Variants in NAV3 observed in about 807,000 individuals in gnomAD.
The protein encoded by NAV3 is neuron navigator 3.
In NAV3, 87 loss-of-function variants were observed where a neutral mutation model predicts 244.7. The ratio of observed to expected loss-of-function variants is 0.36; its 90% CI spans 0.30 to 0.42. The LOEUF (loss-of-function observed/expected upper bound fraction) is 0.42. NAV3 is among the 20% of genes least tolerant of loss of function. NAV3 has a pLI of 1.00. For missense variants in NAV3, 2,663 were observed against 2,893.3 expected (o/e 0.92, Z 1.83); for synonymous variants, 1,126 against 1,042.2 (o/e 1.08, Z -1.55).
At chr12:78,129,745 C>T (rs372864531) in intron 18 of NAV3, among the ~76,000 whole-genome samples, 10 of 152,074 alleles carry the variant, frequency 6.6e-5, no homozygotes, top group African/African-American at 2.4e-4. Flanking sequence ...AGTATTGATA[C>T]ATAATCTTAT....
At chr12:77,895,715 C>T (rs1242415584) in intron 1 of NAV3, among the ~76,000 whole-genome samples, 8 of 148,644 alleles carry the variant, frequency 5.4e-5, no homozygotes, top group Admixed American at 2.0e-4. Context: ...CCATCCTCTA[C>T]TACCACATAT....
chr12:78,105,227 A>G (rs1954742872), intron 12 of NAV3, among the ~76,000 whole-genome samples: 1 of 152,026 alleles, frequency 6.6e-6, no homozygotes, highest in African/African-American at 2.4e-5. Context: ...TTAGCATTTT[A>G]TTATTGTGGT....
chr12:77,988,226 T>G (rs1414766851), intron 5 of NAV3, among the ~76,000 whole-genome samples: 1 of 152,174 alleles, frequency 6.6e-6, no homozygotes, highest in Non-Finnish European at 1.5e-5. Flanking sequence ...AGGTTCTATA[T>G]TTCTAACAAG....
intron 1 of NAV3, among the ~76,000 whole-genome samples, chr12:77,885,700 A>T (rs1883200452): frequency 6.6e-6 from 1 of 152,146 alleles, no homozygotes; most frequent in African/African-American, 2.4e-5. Context: ...ATGATCTGTT[A>T]AGATGCACTT....
At chr12:78,201,261 A>G (rs1179034720) in intron 38 of NAV3, among the ~76,000 whole-genome samples, 1 of 151,468 alleles carries the variant, frequency 6.6e-6, no homozygotes, top group Admixed American at 6.6e-5. Flanking sequence ...TTTTAGAGAC[A>G]TGGTCTCGCT....
At chr12:77,730,810 A>G (rs1877090779) in intron 2 of NAV3, among the ~76,000 whole-genome samples, 1 of 151,168 alleles carries the variant, frequency 6.6e-6, no homozygotes, top group Admixed American at 6.6e-5. Context: ...GCACATAATC[A>G]TGACATTTTT....
chr12:77,656,119 A>G (rs1256411834), intron 2 of NAV3, among the ~76,000 whole-genome samples: 1 of 151,320 alleles, frequency 6.6e-6, no homozygotes, highest in East Asian at 1.9e-4. Context: ...ATTAACTTTA[A>G]ATGTAAATGG....
chr12:77,931,114 A>C (rs1888743097), intron 1 of NAV3, among the ~76,000 whole-genome samples: 1 of 150,226 alleles, frequency 6.7e-6, no homozygotes, highest in Admixed American at 6.6e-5. Flanking sequence ...TATTTTTTTG[A>C]CACTTGACTT....
intron 8 of NAV3, among the ~76,000 whole-genome samples, chr12:78,008,287 A>C (rs1268893545): frequency 6.6e-6 from 1 of 152,112 alleles, no homozygotes; most frequent in African/African-American, 2.4e-5. Flanking sequence ...TAGGCATTGA[A>C]ATACACAATA....
chr12:78,091,430 G>A (rs950831966), intron 12 of NAV3: 7 of 152,096 alleles, frequency 4.6e-5, no homozygotes, highest in Non-Finnish European at 7.4e-5. Context: ...TCACTACTCC[G>A]GATGCTCAAT....
chr12:77,662,275 A>T (rs2137042287), intron 2 of NAV3, among the ~76,000 whole-genome samples: 1 of 145,654 alleles, frequency 6.9e-6, no homozygotes, highest in Middle Eastern at 3.5e-3. Context: ...ATCTCACCTT[A>T]TTTTAGATCT....
At chr12:78,019,311 G>A (rs1007862265) in intron 8 of NAV3, among the ~76,000 whole-genome samples, 39 of 152,086 alleles carry the variant, frequency 2.6e-4, no homozygotes, top group African/African-American at 6.0e-4. Context: ...TTGTTTTACC[G>A]TTGTGGCTAA....
intron 2 of NAV3, among the ~76,000 whole-genome samples, chr12:77,750,425 G>A (rs572005510): frequency 6.6e-6 from 1 of 152,080 alleles, no homozygotes; most frequent in East Asian, 1.9e-4. Flanking sequence ...CTAGCTGCTT[G>A]GAAGGCTGAG....
chr12:77,655,816 G>T (rs1873072193), intron 2 of NAV3, among the ~76,000 whole-genome samples: 1 of 151,954 alleles, frequency 6.6e-6, no homozygotes, highest in African/African-American at 2.4e-5. Context: ...CATTCTTAAA[G>T]AAAAGAATTT....
At chr12:77,686,920 A>G (rs766985832) in intron 2 of NAV3, among the ~76,000 whole-genome samples, 2 of 152,230 alleles carry the variant, frequency 1.3e-5, no homozygotes, top group Non-Finnish European at 2.9e-5. Context: ...TTAAAAAAAC[A>G]AAACAAGCCT....
chr12:77,579,182 G>A (rs940602444), intron 2 of NAV3, among the ~76,000 whole-genome samples: 1 of 152,314 alleles, frequency 6.6e-6, no homozygotes, highest in Admixed American at 6.5e-5. Flanking sequence ...GGGTTTTTGA[G>A]TCCCTCAAAG....
chr12:78,158,203 C>T (rs1326509196), intron 22 of NAV3, among the ~76,000 whole-genome samples: 10 of 152,014 alleles, frequency 6.6e-5, no homozygotes, highest in African/African-American at 2.4e-4. Context: ...CCAAGGATTT[C>T]CAAATTTTGC....
At position 78,043,486 on chromosome 12, in the gene NAV3, A is replaced by T. The variant is rs541769716; in HGVS notation, c.2024-6507A>T. ...TGGATCAAATGGTATTTCTGGTTCT[A>T]GATCCTTGAGGAATTGCCACACTGT... On this transcript the variant is annotated intron_variant, in intron 9 of 39. Transcript: ENST00000397909. 3.2e-4 allele frequency among the ~76,000 whole-genome samples: 49 copies of T among 152,318 alleles called. No homozygotes were observed. The Middle Eastern group carries it at 0.014, about 42-fold the overall frequency.
At chr12:77,908,766 T>A (rs1886270867) in intron 1 of NAV3, among the ~76,000 whole-genome samples, 1 of 152,024 alleles carries the variant, frequency 6.6e-6, no homozygotes, top group South Asian at 2.1e-4. Flanking sequence ...TCTAAGAAAT[T>A]TTTCTGCTTT....
Sources: allele counts gnomAD v4.1 joint callset (sites outside exome capture counted in the v4.1 genomes callset), GRCh38; gene constraint gnomAD v4.1.1; transcripts MANE v1.5; gene names NCBI Gene and HGNC (gene_info 2026-07-23, HGNC 2026-07-21).